Variants in GLB1L2 observed in about 807,000 individuals in gnomAD.
The protein encoded by GLB1L2 is galactosidase beta 1 like 2.
In GLB1L2, 68 loss-of-function variants were observed where a neutral mutation model predicts 84.1. The ratio of observed to expected loss-of-function variants is 0.81; its 90% confidence interval spans 0.67 to 0.99. The LOEUF is 0.99. Ranked by LOEUF, GLB1L2 falls within the 50% of genes least tolerant of loss-of-function variation. The pLI is 0.00. For synonymous variants in GLB1L2, 290 were observed against 318.0 expected, an observed-to-expected ratio of 0.91 and a Z score of 0.94; for missense variants, 762 against 805.6, an observed-to-expected ratio of 0.95 and a Z score of 0.66.
chr11:134,374,802 C>G lies in GLB1L2; in HGVS notation c.1824+84C>G, dbSNP rs143714785. On this transcript the variant is annotated intron_variant, in intron 18 of 18. Coordinates refer to ENST00000535456, the MANE Select transcript of GLB1L2 (RefSeq NM_001370461.1). Reference sequence around the variant, plus strand: ...GGAGCCTTCGGTCAGGGTGGAGGGGCGTGTCAGCGGGTTCTTCCTCCCTCC... The same window carrying G: ...GGAGCCTTCGGTCAGGGTGGAGGGGGGTGTCAGCGGGTTCTTCCTCCCTCC... 324 of 1,232,034 alleles carry G rather than the reference C, an allele frequency of 2.6e-4. No homozygotes were observed. In the African/African-American group the frequency reaches 4.5e-3, roughly 17 times the overall value. 76.3% of individuals were successfully genotyped at this position (1,232,034 alleles called of 1,614,324 possible).
chr11:134,371,720 G>A, intron 14 of GLB1L2, 32 bp from the exon 15 acceptor site: 2 of 1,610,118 alleles, frequency 1.2e-6, no homozygotes, highest in Non-Finnish European at 1.7e-6. Flanking sequence ...GTGGCCTTCT[G>A]ACAGTCATCG....
At chr11:134,362,328 G>T (rs987263762) in intron 7 of GLB1L2, among the ~76,000 whole-genome samples, 14 of 83,956 alleles carry the variant, frequency 1.7e-4, no homozygotes, top group Admixed American at 1.6e-3. Flanking sequence ...CTTCCCCGGC[G>T]CTGCCCGCGT....
chr11:134,361,782 C>T (rs1943793798), intron 7 of GLB1L2, among the ~76,000 whole-genome samples: 1 of 152,006 alleles, frequency 6.6e-6, no homozygotes, highest in Non-Finnish European at 1.5e-5. Flanking sequence ...CTGCATCCCG[C>T]GTGGAATCCT....
intron 4 of GLB1L2, among the ~76,000 whole-genome samples, chr11:134,345,460 C>CT (rs1351919568): frequency 6.6e-6 from 1 of 152,176 alleles, no homozygotes; most frequent in East Asian, 1.9e-4. Context: ...TGGGAAAAAT[C>CT]CGACCTTCCC....
At chr11:134,349,782 T>C (rs1323883026) in intron 5 of GLB1L2, among the ~76,000 whole-genome samples, 2 of 152,204 alleles carry the variant, frequency 1.3e-5, no homozygotes, top group African/African-American at 4.8e-5. Flanking sequence ...TAGTTGTTTG[T>C]TTTTATGTTG....
intron 2 of GLB1L2, 144 bp from the exon 3 acceptor site, chr11:134,344,243 A>T: frequency 1.0e-6 from 1 of 977,708 alleles, no homozygotes; most frequent in Non-Finnish European, 1.6e-6. Flanking sequence ...AGATCAGTTC[A>T]CTTAGTTCTT....
Position 134,345,053 on chromosome 11 carries a change from G to T in GLB1L2, c.373G>T (p.Ala125Ser), listed in dbSNP as rs141480972. The T allele has an allele frequency of 1.9e-6, 3 of 1,612,840 alleles. No individual in the cohort carries two copies. Among genetic ancestry groups the T allele is most frequent in the Admixed American group, 3.3e-5 (2 of 59,946 alleles). The change falls in exon 4 of 19, where the codon GCA becomes TCA. Residue 125 changes from alanine (A) to serine (S), a missense_variant. By Grantham distance (99) the Ala-to-Ser change is moderately conservative. This residue lies in a region of GLB1L2 where 59 missense variants were observed against 105.1 expected (regional missense o/e 0.56). Transcript: ENST00000535456. ...LDLEAFVLMA[A>S]EIGLWVILRP... Reference sequence around the variant, plus strand: ...CCCTAGGGCCTTCGTCCTGATGGCCGCAGAGATCGGGCTGTGGGTGATTCT... The same window carrying T: ...CCCTAGGGCCTTCGTCCTGATGGCCTCAGAGATCGGGCTGTGGGTGATTCT...
At position 134,374,955 on chromosome 11, in the gene GLB1L2, G is replaced by A. The variant is rs113408550; in HGVS notation, c.1825-17G>A. ...ACAGACGTCAGCTGCCCTCCCAGCC[G>A]GGCCCTCTCTCCACAGGTCATCGTT... is the stretch of plus-strand genomic sequence containing the variant. On this transcript the variant is annotated splice_polypyrimidine_tract_variant and intron_variant, in intron 18 of 18. Coordinates refer to ENST00000535456, the MANE Select transcript of GLB1L2 (RefSeq NM_001370461.1). 3.4e-4 allele frequency: 540 copies of A among 1,609,042 alleles called. 3 individuals carry two copies. The African/African-American group carries it at 6.2e-3, about 18-fold the overall frequency.
chr11:134,358,146 A>G (rs1350132447), intron 6 of GLB1L2, among the ~76,000 whole-genome samples: 4 of 152,212 alleles, frequency 2.6e-5, no homozygotes, highest in African/African-American at 4.8e-5. Flanking sequence ...CCACTTCCAA[A>G]AGATTTCAGC....
chr11:134,368,903 G>A (rs527517764), intron 10 of GLB1L2, 122 bp downstream of exon 10: 2 of 1,002,462 alleles, frequency 2.0e-6, no homozygotes, highest in South Asian at 1.6e-5. Context: ...TAGAGTACCT[G>A]GAGAAGGTAC....
At chr11:134,366,773 G>C (rs891292155) in intron 8 of GLB1L2, among the ~76,000 whole-genome samples, 2 of 151,202 alleles carry the variant, frequency 1.3e-5, no homozygotes, top group Admixed American at 6.6e-5. Context: ...GCTGCAAACT[G>C]CTGTTTAAAC....
At chr11:134,349,144 A>G (rs1943591546) in intron 5 of GLB1L2, among the ~76,000 whole-genome samples, 1 of 151,820 alleles carries the variant, frequency 6.6e-6, no homozygotes, top group African/African-American at 2.4e-5. Context: ...CAGCCATTCT[A>G]CTCTCTGTCT....
intron 5 of GLB1L2, among the ~76,000 whole-genome samples, chr11:134,348,210 T>C (rs1943577729): frequency 6.6e-6 from 1 of 152,234 alleles, no homozygotes; most frequent in Non-Finnish European, 1.5e-5. Flanking sequence ...CTCAGTTATA[T>C]TTGAGTTTCA....
intron 5 of GLB1L2, among the ~76,000 whole-genome samples, 159 bp downstream of exon 5, chr11:134,347,592 TTG>T: frequency 6.6e-6 from 1 of 152,180 alleles, no homozygotes; most frequent in South Asian, 2.1e-4. Context: ...CTTGCAAGAG[TTG>T]TCTTTGGAAA....
chr11:134,371,957 C>T (rs1943959968), intron 15 of GLB1L2, 127 bp downstream of exon 15: 4 of 853,814 alleles, frequency 4.7e-6, no homozygotes, highest in South Asian at 3.1e-5. Context: ...TGGGTTGTCC[C>T]ATACATGAGG....
intron 2 of GLB1L2, among the ~76,000 whole-genome samples, chr11:134,343,514 T>C (rs1943501108): frequency 6.6e-6 from 1 of 152,236 alleles, no homozygotes; most frequent in Admixed American, 6.5e-5. Flanking sequence ...AACTGATACT[T>C]GACGCTAAGT....
rs913859544 is a variant in GLB1L2 at position 134,339,350 on chromosome 11, T to A, written c.87-3404T>A. ...ATCATTATCAGTGTTAATAGCCATTTACATGATGCTTCGTTGTTTATGAAG... is the reference window on the plus strand; with the variant it reads ...ATCATTATCAGTGTTAATAGCCATTAACATGATGCTTCGTTGTTTATGAAG... On this transcript the variant is annotated intron_variant, in intron 1 of 18. Coordinates refer to ENST00000535456, the MANE Select transcript of GLB1L2 (RefSeq NM_001370461.1). The surrounding 1 kb of genome is among the most constrained non-coding windows in gnomAD (Gnocchi z 5.7). Among the ~76,000 whole-genome samples, 21 of 152,236 alleles carry A rather than the reference T, an allele frequency of 1.4e-4. No individual in the cohort carries two copies. Among genetic ancestry groups the A allele is most frequent in the Admixed American group, 5.2e-4 (8 of 15,288 alleles).
rs375943171 is a variant in GLB1L2 at position 134,332,100 on chromosome 11, G to A, written c.39G>A (p.Thr13=). Residue 13 remains threonine, a synonymous_variant, in exon 1 of 19, where the codon ACG becomes ACA. Coordinates refer to ENST00000535456, the MANE Select transcript of GLB1L2 (RefSeq NM_001370461.1). ...GCCTCCGGCGGAGGCCGGCCCGCAC[G>A]CTGGGACTCCTGCTGCTGGTCGTCT... ...TWSLRRRPAR[T]LGLLLLVVLG... 1.9e-6 allele frequency: 3 copies of A among 1,590,906 alleles called. 1 individual carries two copies. Among genetic ancestry groups the A allele is most frequent in the East Asian group, 2.3e-5 (1 of 43,126 alleles).
intron 1 of GLB1L2, among the ~76,000 whole-genome samples, chr11:134,333,976 A>AT (rs568441850): frequency 9.9e-5 from 15 of 151,712 alleles, no homozygotes; most frequent in South Asian, 2.1e-4. Context: ...CATCTTTTTG[A>AT]TTTTTTCACC....
Sources: allele counts gnomAD v4.1 joint callset (sites outside exome capture counted in the v4.1 genomes callset), GRCh38; gene constraint gnomAD v4.1.1; regional missense constraint gnomAD v4.1.1; non-coding constraint Gnocchi (gnomAD v3.1); transcripts MANE v1.5; gene names NCBI Gene and HGNC (gene_info 2026-07-23, HGNC 2026-07-21).